AGBL4: variants seen among roughly 807,000 people sequenced by gnomAD.
AGBL4 encodes cytosolic carboxypeptidase 6.
AGBL4 carries 58 observed loss-of-function variants against 66.4 expected under a neutral mutation model. The ratio of observed to expected loss-of-function variants is 0.87; its 90% confidence interval spans 0.71 to 1.09. AGBL4 has a LOEUF of 1.09. Among genes scored for constraint, AGBL4 ranks in the 50% least tolerant of loss-of-function variants. AGBL4 has a pLI of 0.00. For missense variants in AGBL4, 579 were observed against 631.0 expected (o/e 0.92, Z 0.88); for synonymous variants, 234 against 222.9 (o/e 1.05, Z -0.44).
intron 5 of AGBL4, among the ~76,000 whole-genome samples, chr1:48,895,252 C>T (rs1402296575): frequency 3.3e-4 from 50 of 152,202 alleles, no homozygotes; most frequent in Non-Finnish European, 2.4e-4. Context: ...AAAGAGCCCC[C>T]TTCTATCATC....
At chr1:48,770,167 T>C (rs1644741867) in intron 6 of AGBL4, among the ~76,000 whole-genome samples, 1 of 152,256 alleles carries the variant, frequency 6.6e-6, no homozygotes, top group Non-Finnish European at 1.5e-5. Context: ...AGAGCAAGGC[T>C]GATCCTTCCT....
intron 6 of AGBL4, among the ~76,000 whole-genome samples, chr1:48,751,208 T>C (rs761900590): frequency 7.2e-5 from 11 of 152,242 alleles, no homozygotes; most frequent in Non-Finnish European, 1.3e-4. Context: ...TGAGGCCATG[T>C]TGCCTGGTAA....
intron 3 of AGBL4, among the ~76,000 whole-genome samples, chr1:49,553,865 A>C (rs746571077): frequency 1.1e-4 from 16 of 152,204 alleles, no homozygotes; most frequent in Non-Finnish European, 1.8e-4. Context: ...TTGGCTGAGC[A>C]TGGTGGGTCA....
intron 11 of AGBL4, among the ~76,000 whole-genome samples, chr1:48,578,055 T>C (rs758129063): frequency 1.3e-5 from 2 of 152,170 alleles, no homozygotes; most frequent in Non-Finnish European, 2.9e-5. Context: ...ATTTCCCTGC[T>C]TGTGAAATGG....
intron 5 of AGBL4, among the ~76,000 whole-genome samples, chr1:49,004,180 C>T (rs1010178540): frequency 6.6e-6 from 1 of 152,188 alleles, no homozygotes; most frequent in African/African-American, 2.4e-5. Context: ...TGAGAGCTTT[C>T]TTGGCAGAAC....
At chr1:48,863,603 A>G (rs984450220) in intron 6 of AGBL4, among the ~76,000 whole-genome samples, 33 of 152,114 alleles carry the variant, frequency 2.2e-4, no homozygotes, top group Admixed American at 1.6e-3. Context: ...GAATCGATGC[A>G]GAATTAAGCG....
At chr1:48,737,066 G>A (rs1000072865) in intron 6 of AGBL4, among the ~76,000 whole-genome samples, 3 of 152,084 alleles carry the variant, frequency 2.0e-5, no homozygotes, top group African/African-American at 2.4e-5. Context: ...GGCGGATCAC[G>A]AGATCAGGAG....
At chr1:48,841,985 C>A (rs1223137158) in intron 6 of AGBL4, among the ~76,000 whole-genome samples, 2 of 152,120 alleles carry the variant, frequency 1.3e-5, no homozygotes, top group Admixed American at 6.5e-5. Context: ...GAATTCTAAT[C>A]CAAAGACCTT....
At chr1:49,023,319 G>A (rs901033634) in intron 5 of AGBL4, among the ~76,000 whole-genome samples, 8 of 152,164 alleles carry the variant, frequency 5.3e-5, no homozygotes, top group African/African-American at 1.7e-4. Context: ...GGCAGGCTCA[G>A]TTAGTATGGG....
intron 4 of AGBL4, among the ~76,000 whole-genome samples, chr1:49,179,184 T>G (rs1053010346): frequency 6.6e-6 from 1 of 152,192 alleles, no homozygotes; most frequent in Non-Finnish European, 1.5e-5. Context: ...AATAATAGTT[T>G]GGAGGTCAAC....
chr1:49,197,694 C>T (rs1460756529), intron 4 of AGBL4, among the ~76,000 whole-genome samples: 1 of 152,176 alleles, frequency 6.6e-6, no homozygotes, highest in Non-Finnish European at 1.5e-5. Context: ...AAAAGTCACA[C>T]ATTGTTTACT....
At chr1:49,216,388 T>C (rs1427924286) in intron 4 of AGBL4, among the ~76,000 whole-genome samples, 1 of 151,896 alleles carries the variant, frequency 6.6e-6, no homozygotes, top group Non-Finnish European at 1.5e-5. Flanking sequence ...CAAAAGTTAG[T>C]TTTCAACCCT....
chr1:49,148,066 T>C, intron 4 of AGBL4, among the ~76,000 whole-genome samples: 1 of 152,202 alleles, frequency 6.6e-6, no homozygotes, highest in Non-Finnish European at 1.5e-5. Context: ...TGAGTGGCCA[T>C]GGGTAAATCA....
intron 3 of AGBL4, among the ~76,000 whole-genome samples, chr1:49,282,394 T>G (rs1422196514): frequency 6.6e-6 from 1 of 152,152 alleles, no homozygotes; most frequent in Non-Finnish European, 1.5e-5. Flanking sequence ...ATGGTACTAT[T>G]CAAAAGACAC....
At chr1:49,723,128 C>T (rs563718557) in intron 2 of AGBL4, among the ~76,000 whole-genome samples, 7 of 152,068 alleles carry the variant, frequency 4.6e-5, no homozygotes, top group Non-Finnish European at 1.0e-4. Flanking sequence ...CCCTGAAAAA[C>T]AACTTTTCTA....
intron 3 of AGBL4, among the ~76,000 whole-genome samples, chr1:49,603,185 G>A (rs576051992): frequency 7.4e-4 from 113 of 152,232 alleles, no homozygotes; most frequent in African/African-American, 2.5e-3. Flanking sequence ...GGGAAGTGGT[G>A]GTAAAGGAGA....
chr1:48,801,910 CTTTTTTTT>C (rs11322552), intron 6 of AGBL4, among the ~76,000 whole-genome samples: 2 of 144,470 alleles, frequency 1.4e-5, no homozygotes, highest in African/African-American at 5.1e-5. Context: ...TCCATAATAA[CTTTTTTTT>C]TTTTTTTGAC....
intron 2 of AGBL4, among the ~76,000 whole-genome samples, chr1:49,760,514 G>A (rs1479958119): frequency 6.6e-6 from 1 of 152,100 alleles, no homozygotes; most frequent in Non-Finnish European, 1.5e-5. Context: ...TAAAAAGTCA[G>A]GAAACAATAG....
chr1:48,908,202 G>A (rs1334772813), intron 5 of AGBL4, among the ~76,000 whole-genome samples: 3 of 152,102 alleles, frequency 2.0e-5, no homozygotes, highest in Non-Finnish European at 4.4e-5. Context: ...CCAGGCCCCA[G>A]CTGACATCTT....
Sources: allele counts gnomAD v4.1 joint callset (sites outside exome capture counted in the v4.1 genomes callset), GRCh38; gene constraint gnomAD v4.1.1; transcripts MANE v1.5; gene names NCBI Gene and HGNC (gene_info 2026-07-23, HGNC 2026-07-21).